The following FN1 variants were observed in gnomAD, a reference collection of about 807,000 sequenced individuals.
FN1 encodes the protein fibronectin.
A neutral mutation model predicts 297.3 loss-of-function variants in FN1; 106 were observed. The observed-to-expected ratio is 0.36, with a 90% CI of 0.30 to 0.42. The LOEUF (loss-of-function observed/expected upper bound fraction) is 0.42. Ranked by LOEUF, FN1 falls within the 10% of genes least tolerant of loss-of-function variation. The pLI, the probability that FN1 is intolerant of heterozygous loss-of-function variation, is 1.00. For synonymous variants in FN1, 1,149 were observed against 1,152.6 expected, an observed-to-expected ratio of 1.00 and a Z score of 0.06; for missense variants, 2,690 against 3,124.9, an observed-to-expected ratio of 0.86 and a Z score of 3.32.
At chr2:215,389,304 G>T (rs1435603224) in intron 26 of FN1, among the ~76,000 whole-genome samples, 1 of 151,914 alleles carries the variant, frequency 6.6e-6, no homozygotes, top group Non-Finnish European at 1.5e-5. Context: ...GGGCTTCACC[G>T]TGTTAACCAG....
chr2:215,365,966 ATT>A (rs559516647), intron 42 of FN1, among the ~76,000 whole-genome samples: 456 of 90,322 alleles, frequency 5.0e-3, no homozygotes, highest in South Asian at 0.013. Flanking sequence ...CCACAGTGCT[ATT>A]TTTTTTTTTT....
chr2:215,422,081 G>C lies in FN1; in HGVS notation c.1546+10C>G. The C allele has an allele frequency of 6.2e-7, 1 of 1,613,828 alleles. No homozygotes were observed. Among genetic ancestry groups the C allele is most frequent in the Non-Finnish European group, 8.5e-7 (1 of 1,179,794 alleles). ...CCATCTCAAATATTTTTGTTAATCA[G>C]CCAGCATACCTCGAAGCTGCGAGTA... On this transcript the variant is annotated intron_variant, in intron 10 of 45. Coordinates refer to ENST00000354785, the MANE Select transcript of FN1 (RefSeq NM_212482.4).
intron 21 of FN1, among the ~76,000 whole-genome samples, chr2:215,398,175 A>G (rs932330316): frequency 4.6e-5 from 7 of 152,238 alleles, no homozygotes; most frequent in African/African-American, 1.2e-4. Context: ...GTTCATTTCT[A>G]TTTTTCTGTG....
chr2:215,413,869 G>A (rs192221200), intron 13 of FN1, among the ~76,000 whole-genome samples: 2 of 152,194 alleles, frequency 1.3e-5, no homozygotes, highest in African/African-American at 4.8e-5. Flanking sequence ...TTTTATCCTT[G>A]GAACTCTGAC....
chr2:215,401,267 GAAAGGA>G (rs2061107630), intron 20 of FN1, among the ~76,000 whole-genome samples: 48 of 87,362 alleles, frequency 5.5e-4, no homozygotes, highest in South Asian at 1.4e-3. Context: ...AGAAAGGAAG[GAAAGGA>G]AAGGAAAGGA....
At chr2:215,432,040 TA>T in intron 3 of FN1, 76 bp from the exon 4 acceptor site, 2 of 1,579,422 alleles carry the variant, frequency 1.3e-6, no homozygotes, top group Non-Finnish European at 1.7e-6. Flanking sequence ...CCACCCATGG[TA>T]GGTACTTAGG....
intron 6 of FN1, among the ~76,000 whole-genome samples, chr2:215,425,672 C>T (rs1202475903): frequency 6.6e-6 from 1 of 152,116 alleles, no homozygotes; most frequent in African/African-American, 2.4e-5. Context: ...CCTGCCTCAA[C>T]CTCCCAAGTA....
intron 25 of FN1, 173 bp from the exon 26 acceptor site, chr2:215,391,987 A>C: frequency 1.6e-6 from 1 of 634,676 alleles, no homozygotes; most frequent in Non-Finnish European, 2.8e-6. Context: ...TTAAAAATAA[A>C]ACACTACACA....
rs2055582114 is a variant in FN1, at chr2:215,370,174, G to T, written c.6853+120C>A. On this transcript the variant is annotated intron_variant, in intron 41 of 45. Coordinates refer to ENST00000354785, the MANE Select transcript of FN1 (RefSeq NM_212482.4). ...AGTTGCTCATTTATTTCATGTTGAT[G>T]TGTTGCATTAAATCCCAAAGATAAA... The T allele has an allele frequency of 2.0e-5, 19 of 948,478 alleles. No homozygotes were observed. In the Admixed American group the frequency reaches 3.4e-4, roughly 17 times the overall value. 58.8% of individuals were successfully genotyped at this position (948,478 alleles called of 1,614,324 possible).
chr2:215,371,586 C>G (rs2056126222), intron 40 of FN1, among the ~76,000 whole-genome samples: 1 of 149,266 alleles, frequency 6.7e-6, no homozygotes, highest in African/African-American at 2.5e-5. Context: ...GGTATGTCCT[C>G]CAAAGTAGAG....
intron 31 of FN1, among the ~76,000 whole-genome samples, 166 bp downstream of exon 31, chr2:215,383,162 G>C (rs1268383680): frequency 6.6e-6 from 1 of 152,036 alleles, no homozygotes; most frequent in African/African-American, 2.4e-5. Context: ...AAGCCACCAT[G>C]CCCAGCTAAT....
rs547314154 is a variant in FN1 at position 215,404,524 on chromosome 2, T to C, written c.3118A>G (p.Arg1040Gly). ...ACAGAGGGACCCACATTGTACTGCC[T>C]GGGCTGTCCTCTTCGGGTAAGGCCC... ...TVGLTRRGQP[R>G]QYNVGPSVSK... The change falls in exon 20 of 46, where the codon AGG (arginine) becomes GGG (glycine). Residue 1040 changes from arginine to glycine, a missense_variant. This residue lies in a region of FN1 where 1,743 missense variants were observed against 1,945.2 expected (regional missense o/e 0.90). Transcript: ENST00000354785. The C allele has an allele frequency of 6.1e-4, 977 of 1,614,164 alleles. 21 individuals carry two copies. The South Asian group carries it at 9.7e-3, about 16-fold the overall frequency.
intron 28 of FN1, 55 bp downstream of exon 28, chr2:215,386,634 T>C: frequency 1.8e-6 from 2 of 1,111,984 alleles, no homozygotes; most frequent in Non-Finnish European, 2.6e-6. Context: ...CTTTACAGAA[T>C]CTACCAACTG....
In FN1 at chr2:215,410,168, AAC is replaced by A. The variant is rs368396154; in HGVS notation, c.1942-56_1942-55del. 9 of 1,516,048 alleles carry A rather than the reference AAC, an allele frequency of 5.9e-6. No individual in the cohort carries two copies. The African/African-American group carries it at 6.9e-5, about 12-fold the overall frequency. 93.9% of individuals were successfully genotyped at this position (1,516,048 alleles called of 1,614,324 possible). On this transcript the variant is annotated intron_variant, in intron 13 of 45. Coordinates refer to ENST00000354785, the MANE Select transcript of FN1 (RefSeq NM_212482.4). ...ACACACACACGTGTTTACAAGGATGAACATTTGAAGATGATGTTCAGTAATCT... is the reference window on the plus strand; with the variant it reads ...ACACACACACGTGTTTACAAGGATGAATTTGAAGATGATGTTCAGTAATCT...
In FN1 at chr2:215,365,524, T is replaced by TC; in HGVS notation, c.7124dup (p.Glu2376ArgfsTer5). 1 of 1,614,126 alleles carries TC rather than the reference T, an allele frequency of 6.2e-7. No individual in the cohort carries two copies. The highest frequency in any genetic ancestry group is 2.2e-5 in the East Asian group (1 of 44,878). ...ACATACGAGGGTCACACTTGAATTC[T>TC]CCTTTTCCGTTCCCAAGACATGTGC... On this transcript the variant is annotated frameshift_variant, in exon 43 of 46. Coordinates refer to ENST00000354785, the MANE Select transcript of FN1 (RefSeq NM_212482.4). LOFTEE classifies it high-confidence loss of function.
chr2:215,404,631 T>C lies in FN1; in HGVS notation c.3011A>G (p.Gln1004Arg), dbSNP rs2061537753. 6.2e-7 allele frequency: 1 copy of C among 1,613,958 alleles called. No homozygotes were observed. Among genetic ancestry groups the C allele is most frequent in the Non-Finnish European group, 8.5e-7 (1 of 1,179,818 alleles). ...TTKLDAPTNL[Q>R]FVNETDSTVL... ...AGTAGAATCAGTTTCATTGACAAAC[T>C]GGAGGTTAGTGGGAGCATCCAGTTC... The change falls in exon 20 of 46, where the codon CAG becomes CGG. Residue 1004 changes from glutamine (Q) to arginine (R), a missense_variant. Gln to Arg is a conservative substitution (Grantham distance 43, BLOSUM62 1). Transcript: ENST00000354785.
chr2:215,411,867 C>T (rs1242118199), intron 13 of FN1, among the ~76,000 whole-genome samples: 1 of 151,964 alleles, frequency 6.6e-6, no homozygotes, highest in South Asian at 2.1e-4. Context: ...CGGGGTTTCA[C>T]CATGTTGGCC....
At chr2:215,382,155 A>G in intron 32 of FN1, 57 bp downstream of exon 32, 1 of 1,096,364 alleles carries the variant, frequency 9.1e-7, no homozygotes, top group South Asian at 1.3e-5. Flanking sequence ...GTGGGCATTC[A>G]GACACCCAAG....
chr2:215,392,685 C>T (rs2059838458), intron 25 of FN1: 1 of 548,066 alleles, frequency 1.8e-6, no homozygotes, highest in Admixed American at 3.1e-5. Flanking sequence ...ACAGAGCAGA[C>T]ATCTGTATTT....
Sources: gnomAD v4.1 joint callset for allele counts (sites outside exome capture counted in the v4.1 genomes callset) on GRCh38, gnomAD v4.1.1 for gene constraint, gnomAD v4.1.1 regional missense constraint, MANE v1.5 for transcripts, NCBI Gene and HGNC (gene_info 2026-07-23, HGNC 2026-07-21) for gene names.